VWA3B: variants seen among roughly 807,000 people sequenced by gnomAD.
The protein encoded by VWA3B is von Willebrand factor A domain containing 3B.
In VWA3B, 138 loss-of-function variants were observed where a neutral mutation model predicts 158.3. The ratio of observed to expected loss-of-function variants is 0.87; its 90% CI spans 0.76 to 1.00. VWA3B has a LOEUF of 1.00. Ranked by LOEUF, VWA3B falls within the 50% of genes least tolerant of loss-of-function variation. The pLI, the probability that VWA3B is intolerant of heterozygous loss-of-function variation, is 0.00. For synonymous variants in VWA3B, 596 were observed against 587.3 expected, an observed-to-expected ratio of 1.01 and a Z score of -0.21; for missense variants, 1,555 against 1,565.1, an observed-to-expected ratio of 0.99 and a Z score of 0.11.
intron 7 of VWA3B, among the ~76,000 whole-genome samples, chr2:98,148,657 G>T (rs529278713): frequency 2.0e-4 from 30 of 152,288 alleles, no homozygotes; most frequent in African/African-American, 5.3e-4. Context: ...TTATTTTGAA[G>T]TATGGTGTGA....
Position 98,270,735 on chromosome 2 carries a change from A to G in VWA3B, c.2897A>G (p.Gln966Arg). 1 of 1,614,180 alleles carries G rather than the reference A, an allele frequency of 6.2e-7. No homozygotes were observed. Among genetic ancestry groups the G allele is most frequent in the Non-Finnish European group, 8.5e-7 (1 of 1,179,994 alleles). ...QYLENKTVLN[Q>R]ALERLNWPIS... is the part of the protein sequence containing the mutation. ...TTGGAAAACAAAACAGTTTTAAACC[A>G]GGCTTTAGAACGGTTGAATTGGCCC... Residue 966 changes from glutamine (Q) to arginine (R), a missense_variant, in exon 22 of 28, where the codon CAG (glutamine) becomes CGG (arginine). Gln to Arg is a conservative substitution (Grantham distance 43). Coordinates refer to ENST00000477737, the MANE Select transcript of VWA3B (RefSeq NM_144992.5).
At chr2:98,172,104 A>G (rs1413749922) in intron 8 of VWA3B, among the ~76,000 whole-genome samples, 2 of 152,240 alleles carry the variant, frequency 1.3e-5, no homozygotes, top group Non-Finnish European at 2.9e-5. Context: ...AACCAGCTCA[A>G]TTTGACCCTC....
At chr2:98,322,985 C>A in the VWA3B span, among the ~76,000 whole-genome samples, 1 of 152,204 alleles carries the variant, frequency 6.6e-6, no homozygotes, top group Non-Finnish European at 1.5e-5. Context: ...AACAACCACA[C>A]ACACACACAC....
At chr2:98,100,086 C>T (rs554262607) in intron 2 of VWA3B, among the ~76,000 whole-genome samples, 3 of 152,284 alleles carry the variant, frequency 2.0e-5, no homozygotes, top group Non-Finnish European at 2.9e-5. Context: ...GTCACTAGCA[C>T]GTTACTATGT....
chr2:98,090,638 G>A (rs573110735), intron 1 of VWA3B, among the ~76,000 whole-genome samples: 1 of 152,146 alleles, frequency 6.6e-6, no homozygotes, highest in South Asian at 2.1e-4. Flanking sequence ...TTGAGCCTTT[G>A]TAGAAAGAAA....
intron 12 of VWA3B, among the ~76,000 whole-genome samples, chr2:98,196,572 G>C (rs922020918): frequency 6.6e-6 from 1 of 152,138 alleles, no homozygotes; most frequent in African/African-American, 2.4e-5. Context: ...AGGCCAGGGA[G>C]CACAAGCTGT....
At chr2:98,094,005 G>A (rs1682541047) in intron 2 of VWA3B, among the ~76,000 whole-genome samples, 1 of 152,084 alleles carries the variant, frequency 6.6e-6, no homozygotes, top group Non-Finnish European at 1.5e-5. Flanking sequence ...ATTTAATTGT[G>A]TATATATACT....
chr2:98,160,158 G>A (rs1322392602), intron 7 of VWA3B, among the ~76,000 whole-genome samples: 3 of 152,152 alleles, frequency 2.0e-5, no homozygotes, highest in South Asian at 2.1e-4. Context: ...ATGGGGCTCT[G>A]TCCCTCGGCT....
At chr2:98,216,831 T>G (rs751251090) in intron 13 of VWA3B, 2 of 793,474 alleles carry the variant, frequency 2.5e-6, no homozygotes, top group South Asian at 2.8e-5. Flanking sequence ...ATGAGGAAAC[T>G]CACATTAGAC....
chr2:98,143,041 A>G (rs565967941), intron 7 of VWA3B, among the ~76,000 whole-genome samples: 9 of 152,238 alleles, frequency 5.9e-5, no homozygotes, highest in Admixed American at 5.9e-4. Context: ...TATCAAATAT[A>G]TATATATTTG....
intron 17 of VWA3B, 71 bp from the exon 18 acceptor site, chr2:98,236,319 G>C: frequency 6.6e-7 from 1 of 1,508,572 alleles, no homozygotes; most frequent in Non-Finnish European, 9.2e-7. Context: ...TGAGACAAGC[G>C]TGATCCCTTT....
chr2:98,270,651 C>CTCTT, intron 21 of VWA3B, 31 bp from the exon 22 acceptor site: 1 of 1,588,540 alleles, frequency 6.3e-7, no homozygotes, highest in Non-Finnish European at 8.6e-7. Flanking sequence ...GTTTCTTCCT[C>CTCTT]TGTTTGTTTG....
intron 9 of VWA3B, among the ~76,000 whole-genome samples, chr2:98,185,450 G>A (rs945370100): frequency 7.2e-5 from 11 of 152,314 alleles, no homozygotes; most frequent in African/African-American, 2.4e-4. Flanking sequence ...AAACAGCCAC[G>A]ATATATAATG....
intron 7 of VWA3B, among the ~76,000 whole-genome samples, chr2:98,146,080 C>T (rs975200360): frequency 4.6e-5 from 7 of 151,866 alleles, no homozygotes; most frequent in Non-Finnish European, 1.0e-4. Flanking sequence ...GTTGCCTTTC[C>T]GTGTCATTTT....
chr2:98,305,554 C>T (rs1690469252), intron 26 of VWA3B, among the ~76,000 whole-genome samples: 1 of 152,164 alleles, frequency 6.6e-6, no homozygotes, highest in Admixed American at 6.5e-5. Context: ...GATATTTCCA[C>T]CTGAGTGTAC....
intron 7 of VWA3B, among the ~76,000 whole-genome samples, chr2:98,143,319 G>A (rs1236260728): frequency 6.6e-6 from 1 of 152,154 alleles, no homozygotes; most frequent in Non-Finnish European, 1.5e-5. Context: ...GATTACAGGC[G>A]TGAGCCACCA....
chr2:98,097,692 T>C (rs1212911012), intron 2 of VWA3B, among the ~76,000 whole-genome samples: 1 of 152,198 alleles, frequency 6.6e-6, no homozygotes, highest in Non-Finnish European at 1.5e-5. Context: ...CTGTTTTCCA[T>C]AGAGGTTGTA....
chr2:98,317,105 G>A (rs529446943), downstream of VWA3B, among the ~76,000 whole-genome samples: 18 of 152,252 alleles, frequency 1.2e-4, no homozygotes, highest in Non-Finnish European at 2.5e-4. Flanking sequence ...AACTTAACAA[G>A]AAATGTGCAA....
intron 14 of VWA3B, among the ~76,000 whole-genome samples, chr2:98,225,361 G>T (rs1215441555): frequency 6.6e-6 from 1 of 152,166 alleles, no homozygotes; most frequent in Non-Finnish European, 1.5e-5. Flanking sequence ...AAATCATATG[G>T]TTTTATCAAT....
Sources: gnomAD v4.1 joint callset for allele counts (sites outside exome capture counted in the v4.1 genomes callset) on GRCh38, gnomAD v4.1.1 for gene constraint, MANE v1.5 for transcripts, NCBI Gene and HGNC (gene_info 2026-07-23, HGNC 2026-07-21) for gene names.